The following PLCL1 variants were observed in gnomAD, a reference collection of about 807,000 sequenced individuals.
The protein encoded by PLCL1 is phospholipase C like 1 (inactive).
A neutral mutation model predicts 84.4 loss-of-function variants in PLCL1; 41 were observed. The ratio of observed to expected loss-of-function variants is 0.49; its 90% CI spans 0.38 to 0.63. PLCL1 has a LOEUF of 0.63. Among genes scored for constraint, PLCL1 ranks in the 30% least tolerant of loss-of-function variants. The pLI, the probability that PLCL1 is intolerant of heterozygous loss-of-function variation, is 0.00. For missense variants in PLCL1, 1,206 were observed against 1,367.8 expected (o/e 0.88, Z 1.87); for synonymous variants, 490 against 488.3 (o/e 1.00, Z -0.05).
intron 5 of PLCL1, among the ~76,000 whole-genome samples, chr2:198,116,752 C>G (rs1693757737): frequency 6.6e-6 from 1 of 151,798 alleles, no homozygotes; most frequent in African/African-American, 2.4e-5. Context: ...TGTAGAAGCT[C>G]CAGGGTTTCA....
chr2:198,054,995 G>C (rs1199831780), intron 1 of PLCL1, among the ~76,000 whole-genome samples: 2 of 152,026 alleles, frequency 1.3e-5, no homozygotes, highest in Non-Finnish European at 2.9e-5. Context: ...CAAATCAGAA[G>C]GTGCACATTA....
intron 1 of PLCL1, among the ~76,000 whole-genome samples, chr2:197,823,367 T>C (rs138880350): frequency 8.0e-4 from 122 of 152,192 alleles, no homozygotes; most frequent in African/African-American, 2.7e-3. Context: ...TCTATATATA[T>C]ATATGTGGTT....
intron 1 of PLCL1, among the ~76,000 whole-genome samples, chr2:197,850,033 C>CACACACAG (rs1294949971): frequency 2.8e-4 from 4 of 14,506 alleles, no homozygotes; most frequent in African/African-American, 1.7e-3. Context: ...CACACACAGA[C>CACACACAG]ACACACACAC....
At chr2:197,865,316 C>G (rs1301217499) in intron 1 of PLCL1, among the ~76,000 whole-genome samples, 1 of 152,150 alleles carries the variant, frequency 6.6e-6, no homozygotes, top group African/African-American at 2.4e-5. Context: ...TTTCTCAGCA[C>G]TGAAGAAATT....
chr2:198,125,780 T>C (rs938005698), intron 5 of PLCL1, among the ~76,000 whole-genome samples: 1 of 152,106 alleles, frequency 6.6e-6, no homozygotes, highest in Non-Finnish European at 1.5e-5. Context: ...TTGATTTCTT[T>C]CTAGTACTAA....
chr2:197,935,903 C>A (rs1046520904), intron 1 of PLCL1, among the ~76,000 whole-genome samples: 11 of 152,198 alleles, frequency 7.2e-5, no homozygotes, highest in Admixed American at 1.3e-4. Context: ...CATCTCCCAC[C>A]TATGCCAGTT....
intron 1 of PLCL1, among the ~76,000 whole-genome samples, chr2:197,912,057 C>T (rs1688493658): frequency 6.6e-6 from 1 of 152,210 alleles, no homozygotes; most frequent in South Asian, 2.1e-4. Context: ...GACACTTCCA[C>T]AGGGAACACT....
chr2:198,142,761 T>G (rs1694419429), intron 5 of PLCL1, among the ~76,000 whole-genome samples: 1 of 152,140 alleles, frequency 6.6e-6, no homozygotes, highest in South Asian at 2.1e-4. Context: ...GCGCTCTCTA[T>G]TACCCTCACT....
chr2:197,824,727 A>AAACAAAC (rs1690892566), intron 1 of PLCL1, among the ~76,000 whole-genome samples: 1 of 151,752 alleles, frequency 6.6e-6, no homozygotes, highest in South Asian at 2.1e-4. Context: ...AAAAAAAAAA[A>AAACAAAC]AAAAAAAACA....
chr2:197,918,676 C>A (rs1312263937), intron 1 of PLCL1, among the ~76,000 whole-genome samples: 1 of 152,114 alleles, frequency 6.6e-6, no homozygotes, highest in Non-Finnish European at 1.5e-5. Flanking sequence ...AATCCCAGCA[C>A]TTTGGGAGGT....
intron 1 of PLCL1, among the ~76,000 whole-genome samples, chr2:197,963,400 A>G (rs192196565): frequency 5.3e-5 from 8 of 152,170 alleles, no homozygotes; most frequent in Admixed American, 2.6e-4. Flanking sequence ...AGAAATATCT[A>G]TTCAGATCTT....
chr2:197,922,901 G>A (rs1299128042), intron 1 of PLCL1, among the ~76,000 whole-genome samples: 1 of 139,252 alleles, frequency 7.2e-6, no homozygotes, highest in African/African-American at 2.6e-5. Flanking sequence ...GCCGGGCGGG[G>A]GGCTGACCCC....
At chr2:197,848,735 G>A (rs2105678860) in intron 1 of PLCL1, among the ~76,000 whole-genome samples, 1 of 152,256 alleles carries the variant, frequency 6.6e-6, no homozygotes, top group South Asian at 2.1e-4. Flanking sequence ...GGGCAAGAAG[G>A]ACAATCAAAC....
At chr2:197,835,073 C>G (rs1459470664) in intron 1 of PLCL1, among the ~76,000 whole-genome samples, 1 of 152,172 alleles carries the variant, frequency 6.6e-6, no homozygotes, top group Non-Finnish European at 1.5e-5. Context: ...ACCACATGGT[C>G]TCACTCATAA....
At chr2:197,806,993 T>G (rs145676301) in intron 1 of PLCL1, among the ~76,000 whole-genome samples, 7 of 152,292 alleles carry the variant, frequency 4.6e-5, no homozygotes, top group African/African-American at 1.7e-4. Context: ...GAAGTTTCTT[T>G]TTGTGACAAA....
chr2:198,076,678 G>T (rs1692582350), intron 1 of PLCL1, among the ~76,000 whole-genome samples: 1 of 152,132 alleles, frequency 6.6e-6, no homozygotes, highest in Non-Finnish European at 1.5e-5. Flanking sequence ...TAAGTCACAT[G>T]GTATTAACCA....
chr2:198,140,431 T>C (rs1296670239), intron 5 of PLCL1, among the ~76,000 whole-genome samples: 1 of 152,180 alleles, frequency 6.6e-6, no homozygotes, highest in Non-Finnish European at 1.5e-5. Flanking sequence ...GGTTTTCTGC[T>C]TAAAATGCAG....
intron 3 of PLCL1, among the ~76,000 whole-genome samples, chr2:198,092,817 C>T (rs968449450): frequency 2.6e-5 from 4 of 152,114 alleles, no homozygotes; most frequent in East Asian, 1.9e-4. Context: ...ATGTAAACTC[C>T]GTGAGGTTAG....
intron 1 of PLCL1, among the ~76,000 whole-genome samples, chr2:197,821,162 G>A (rs781115053): frequency 3.9e-5 from 6 of 152,112 alleles, no homozygotes; most frequent in Non-Finnish European, 7.4e-5. Flanking sequence ...GTTTTTCAGT[G>A]TTCAGGAAGT....
Sources: allele counts gnomAD v4.1 joint callset (sites outside exome capture counted in the v4.1 genomes callset), GRCh38; gene constraint gnomAD v4.1.1; transcripts MANE v1.5; gene names NCBI Gene and HGNC (gene_info 2026-07-23, HGNC 2026-07-21).